Variants in LRRC37A2 observed in about 807,000 individuals in gnomAD.
LRRC37A2 encodes leucine rich repeat containing 37 member A2.
A neutral mutation model predicts 68.8 loss-of-function variants in LRRC37A2; 9 were observed. The observed-to-expected ratio is 0.13, with a 90% CI of 0.08 to 0.23. The LOEUF (loss-of-function observed/expected upper bound fraction) is 0.23, where lower values mean the gene tolerates loss of function less well. Ranked by LOEUF, LRRC37A2 falls within the 10% of genes least tolerant of loss-of-function variation. The pLI is 1.00. For synonymous variants in LRRC37A2, 63 were observed against 367.6 expected, an observed-to-expected ratio of 0.17 and a Z score of 9.48; for missense variants, 168 against 950.4, an observed-to-expected ratio of 0.18 and a Z score of 10.82.
At chr17:46,977,565 C>T in the LRRC37A2 span, among the ~76,000 whole-genome samples, 3 of 152,234 alleles carry the variant, frequency 2.0e-5, no homozygotes, top group Non-Finnish European at 2.9e-5. Flanking sequence ...GCTGGGGCAT[C>T]CTGTAATGGG....
chr17:47,033,713 A>G, the LRRC37A2 span, among the ~76,000 whole-genome samples: 3 of 152,252 alleles, frequency 2.0e-5, no homozygotes, highest in Admixed American at 2.0e-4. Context: ...TGTACAGAAG[A>G]ATTTGGAGGG....
At chr17:47,017,633 C>G in the LRRC37A2 span, 1 of 1,607,890 alleles carries the variant, frequency 6.2e-7, no homozygotes, top group Non-Finnish European at 8.5e-7. Context: ...CTGTTTCACC[C>G]AAGAAGCTGA....
At chr17:47,000,008 TAA>T in the LRRC37A2 span, among the ~76,000 whole-genome samples, 33 of 11,336 alleles carry the variant, frequency 2.9e-3, no homozygotes, top group South Asian at 0.042. Flanking sequence ...CAAAATAAAA[TAA>T]AATAAAATAA....
chr17:46,865,228 T>C, the LRRC37A2 span, among the ~76,000 whole-genome samples: 1 of 152,110 alleles, frequency 6.6e-6, no homozygotes, highest in Non-Finnish European at 1.5e-5. Context: ...ATGCCGGGGA[T>C]TGTTGAGATG....
At chr17:46,849,349 T>C in the LRRC37A2 span, among the ~76,000 whole-genome samples, 1 of 152,254 alleles carries the variant, frequency 6.6e-6, no homozygotes, top group Non-Finnish European at 1.5e-5. Flanking sequence ...GTGCCCTGCC[T>C]TCTCCATGCA....
chr17:46,710,150 ATACATGATCTTTACATG>A, the LRRC37A2 span, among the ~76,000 whole-genome samples: 22 of 152,200 alleles, frequency 1.4e-4, no homozygotes, highest in Non-Finnish European at 2.4e-4. Flanking sequence ...AATTCTCAAG[ATACATGATCTTTACATG>A]TACATGATCT....
chr17:46,493,264 C>T, the LRRC37A2 span, among the ~76,000 whole-genome samples: 4 of 137,412 alleles, frequency 2.9e-5, no homozygotes, highest in Admixed American at 7.2e-5. Flanking sequence ...TTCAAGCCAT[C>T]CTCCCACCTC....
At chr17:46,756,018 G>GGTGT in the LRRC37A2 span, 1 of 568,120 alleles carries the variant, frequency 1.8e-6, no homozygotes, top group Non-Finnish European at 3.1e-6. Flanking sequence ...TCTCGTGGAA[G>GGTGT]GTGTCAATTT....
At chr17:46,817,539 C>T in the LRRC37A2 span, among the ~76,000 whole-genome samples, 3 of 152,222 alleles carry the variant, frequency 2.0e-5, no homozygotes, top group Admixed American at 1.3e-4. Flanking sequence ...GGTGGGAGAG[C>T]GGCGATGGGG....
chr17:46,950,809 TC>T, the LRRC37A2 span, among the ~76,000 whole-genome samples: 1 of 152,070 alleles, frequency 6.6e-6, no homozygotes, highest in Non-Finnish European at 1.5e-5. Context: ...CAGTTCCAAA[TC>T]CCAGAACAGA....
the LRRC37A2 span, among the ~76,000 whole-genome samples, chr17:46,714,605 C>T: frequency 6.6e-6 from 1 of 152,122 alleles, no homozygotes; most frequent in Non-Finnish European, 1.5e-5. Flanking sequence ...ACCATTTGGT[C>T]CATCTCTCTT....
the LRRC37A2 span, among the ~76,000 whole-genome samples, chr17:46,766,589 T>C: frequency 2.0e-5 from 3 of 152,068 alleles, no homozygotes; most frequent in Non-Finnish European, 4.4e-5. Context: ...ACCTGCTGCC[T>C]TTCTGGACTG....
the LRRC37A2 span, chr17:47,017,505 A>T: frequency 1.3e-6 from 2 of 1,576,636 alleles, no homozygotes; most frequent in African/African-American, 1.4e-5. Context: ...ATCGACTGAA[A>T]ATTTGGTTCC....
chr17:46,998,463 G>A, the LRRC37A2 span, among the ~76,000 whole-genome samples: 2 of 152,194 alleles, frequency 1.3e-5, no homozygotes, highest in African/African-American at 4.8e-5. Context: ...CTCGGGGCCT[G>A]TATCAACACC....
chr17:46,768,816 G>T, the LRRC37A2 span: 1 of 1,610,860 alleles, frequency 6.2e-7, no homozygotes, highest in East Asian at 2.2e-5. This position sits in a 1 kb window ranked among gnomAD's most constrained non-coding sequence, Gnocchi z 5.0. Flanking sequence ...GAGAGAAGTG[G>T]CAGCTGGCCA....
chr17:46,476,491 G>C, the LRRC37A2 span, among the ~76,000 whole-genome samples: 1 of 89,636 alleles, frequency 1.1e-5, no homozygotes, highest in East Asian at 2.3e-4. Flanking sequence ...AGACCAGCCT[G>C]GCCAACATGG....
At chr17:46,904,414 G>A in the LRRC37A2 span, among the ~76,000 whole-genome samples, 3 of 146,010 alleles carry the variant, frequency 2.1e-5, no homozygotes, top group Non-Finnish European at 4.5e-5. Flanking sequence ...GGATGGGTTG[G>A]TGGGTGCGTG....
At chr17:46,908,175 C>T in the LRRC37A2 span, among the ~76,000 whole-genome samples, 1 of 151,696 alleles carries the variant, frequency 6.6e-6, no homozygotes, top group African/African-American at 2.4e-5. Context: ...TCTCTGTGTC[C>T]CCCCTCCTCC....
At chr17:46,500,909 G>C in the LRRC37A2 span, among the ~76,000 whole-genome samples, 1 of 151,114 alleles carries the variant, frequency 6.6e-6, no homozygotes, top group African/African-American at 2.5e-5. Flanking sequence ...GCCGGGCACT[G>C]TGGCTCATGC....
Sources: allele counts gnomAD v4.1 joint callset (sites outside exome capture counted in the v4.1 genomes callset), GRCh38; gene constraint gnomAD v4.1.1; non-coding constraint Gnocchi (gnomAD v3.1); transcripts MANE v1.5; gene names NCBI Gene and HGNC (gene_info 2026-07-23, HGNC 2026-07-21).